Variants in CDKAL1 observed in about 807,000 individuals in gnomAD.
The protein encoded by CDKAL1 is threonylcarbamoyladenosine tRNA methylthiotransferase.
In CDKAL1, 32 loss-of-function variants were observed where a neutral mutation model predicts 68.2. The ratio of observed to expected loss-of-function variants is 0.47; its 90% CI spans 0.35 to 0.63. The LOEUF (loss-of-function observed/expected upper bound fraction) is 0.63. CDKAL1 is among the 30% of genes least tolerant of loss of function. CDKAL1 has a pLI of 0.00. For synonymous variants in CDKAL1, 234 were observed against 244.3 expected, an observed-to-expected ratio of 0.96 and a Z score of 0.39; for missense variants, 606 against 696.7, an observed-to-expected ratio of 0.87 and a Z score of 1.47.
At chr6:20,692,814 T>C (rs868233473) in intron 5 of CDKAL1, among the ~76,000 whole-genome samples, 1 of 151,922 alleles carries the variant, frequency 6.6e-6, no homozygotes, top group Non-Finnish European at 1.5e-5. Context: ...AAAATGAGCA[T>C]TGTCATGTAG....
chr6:20,591,129 A>G (rs1765574252), intron 4 of CDKAL1, among the ~76,000 whole-genome samples: 1 of 152,008 alleles, frequency 6.6e-6, no homozygotes, highest in South Asian at 2.1e-4. Flanking sequence ...TTTTTTTCAT[A>G]TGTTTGTTGA....
chr6:20,962,105 C>T (rs996969900), intron 10 of CDKAL1, among the ~76,000 whole-genome samples: 1 of 152,124 alleles, frequency 6.6e-6, no homozygotes, highest in Non-Finnish European at 1.5e-5. Context: ...AGGACTATTC[C>T]TATATTCAAA....
At chr6:20,781,110 T>A (rs2150375559) in intron 7 of CDKAL1, 35 bp from the exon 8 acceptor site, 1 of 1,600,034 alleles carries the variant, frequency 6.2e-7, no homozygotes, top group South Asian at 1.1e-5. Flanking sequence ...AGTGTGTAAC[T>A]CTTGCTAATG....
At chr6:20,718,797 T>G (rs1772209467) in intron 5 of CDKAL1, among the ~76,000 whole-genome samples, 2 of 152,064 alleles carry the variant, frequency 1.3e-5, no homozygotes, top group Admixed American at 1.3e-4. Flanking sequence ...TTTGGGAGAG[T>G]GTTCAAAAAT....
At chr6:21,083,386 C>CTT (rs1772518217) in intron 12 of CDKAL1, among the ~76,000 whole-genome samples, 1 of 152,160 alleles carries the variant, frequency 6.6e-6, no homozygotes, top group African/African-American at 2.4e-5. Flanking sequence ...CCTGTATAAC[C>CTT]CTTAGTGAGA....
At chr6:20,583,121 A>T (rs989042802) in intron 4 of CDKAL1, among the ~76,000 whole-genome samples, 2 of 152,178 alleles carry the variant, frequency 1.3e-5, no homozygotes, top group Non-Finnish European at 2.9e-5. Context: ...TTGCCAGCTA[A>T]CATCTCTTAG....
At chr6:20,858,706 T>C (rs1239072946) in intron 9 of CDKAL1, among the ~76,000 whole-genome samples, 2 of 152,196 alleles carry the variant, frequency 1.3e-5, no homozygotes, top group African/African-American at 4.8e-5. Flanking sequence ...TACATTTACA[T>C]GATGGAGTGT....
chr6:21,169,074 T>A (rs564476985), intron 13 of CDKAL1, among the ~76,000 whole-genome samples: 1 of 152,252 alleles, frequency 6.6e-6, no homozygotes, highest in Admixed American at 6.5e-5. Context: ...AGTGGGAACC[T>A]ACATAGGATT....
chr6:20,889,553 G>T (rs959025222), intron 9 of CDKAL1, among the ~76,000 whole-genome samples: 4 of 152,040 alleles, frequency 2.6e-5, no homozygotes, highest in African/African-American at 7.3e-5. Context: ...TTTGTATAAG[G>T]TGTAAGGAAG....
At chr6:20,953,034 A>G (rs1000959652) in intron 9 of CDKAL1, among the ~76,000 whole-genome samples, 2 of 152,192 alleles carry the variant, frequency 1.3e-5, no homozygotes, top group Non-Finnish European at 2.9e-5. Context: ...AATTCTCCTC[A>G]AGTCCAAGGG....
At chr6:20,796,777 A>T (rs1000470615) in intron 8 of CDKAL1, among the ~76,000 whole-genome samples, 1 of 152,242 alleles carries the variant, frequency 6.6e-6, no homozygotes, top group African/African-American at 2.4e-5. Context: ...GCAGTTGGGT[A>T]TCCATATGGA....
chr6:20,641,136 GA>G (rs1254964100), intron 4 of CDKAL1, among the ~76,000 whole-genome samples: 1 of 152,154 alleles, frequency 6.6e-6, no homozygotes, highest in Non-Finnish European at 1.5e-5. Context: ...GCAGGCAAGG[GA>G]AAAGTCCCTT....
chr6:20,609,490 G>C lies in CDKAL1; in HGVS notation c.287-39803G>C, dbSNP rs113372280. ...GACTCACTGCAGCCTCCGTCTCCCA[G>C]GTTCAAGTGATTCTCCTGCCTCAGC... is the stretch of plus-strand genomic sequence containing the variant. On this transcript the variant is annotated intron_variant, in intron 4 of 15. Transcript: ENST00000274695. Among the ~76,000 whole-genome samples, 226 of 150,206 alleles carry C rather than the reference G, an allele frequency of 1.5e-3. 2 individuals are homozygous for C. Among genetic ancestry groups the C allele is most frequent in the African/African-American group, 5.4e-3 (219 of 40,778 alleles).
rs143681658 is a variant in CDKAL1 at position 20,662,044 on chromosome 6, A to G, written c.371+12667A>G. The stretch of plus-strand genomic sequence containing the variant: ...TTCCTATTGTTTTGGTTTGAAAGAC[A>G]TTCTACTTATTCTTGGTGTGTGTGT... On this transcript the variant is annotated intron_variant, in intron 5 of 15. Transcript: ENST00000274695. 8.2e-3 allele frequency among the ~76,000 whole-genome samples: 1,254 copies of G among 152,280 alleles called. 21 individuals are homozygous for G. The highest frequency in any genetic ancestry group is 0.028 in the African/African-American group (1,177 of 41,566).
rs539192971 is a variant in CDKAL1, at chr6:20,897,991, C to A, written c.742+51813C>A. Among the ~76,000 whole-genome samples, 32 of 152,152 alleles carry A rather than the reference C, an allele frequency of 2.1e-4. 2 individuals carry two copies. The South Asian group carries it at 6.0e-3, about 29-fold the overall frequency. ...ATTGATAAAGGTAAAATTTCCAATT[C>A]TTTGGAGAAAACCATGAAAATGTTG... On this transcript the variant is annotated intron_variant, in intron 9 of 15. Transcript: ENST00000274695.
intron 9 of CDKAL1, among the ~76,000 whole-genome samples, chr6:20,889,619 C>A (rs938814277): frequency 6.6e-6 from 1 of 152,150 alleles, no homozygotes; most frequent in African/African-American, 2.4e-5. Context: ...ATAGGGAATC[C>A]TTTCCCCATT....
intron 10 of CDKAL1, among the ~76,000 whole-genome samples, chr6:20,993,149 G>A (rs1475248407): frequency 6.6e-6 from 1 of 151,958 alleles, no homozygotes; most frequent in Non-Finnish European, 1.5e-5. Context: ...TTTGTTTTGG[G>A]GGAAGGAAAA....
At chr6:21,091,729 T>A (rs77373471) in intron 12 of CDKAL1, among the ~76,000 whole-genome samples, 10,511 of 152,186 alleles carry the variant, frequency 0.069, 979 homozygotes, top group East Asian at 0.49. Flanking sequence ...CCTTTCCTTG[T>A]TTGGGAAACC....
In CDKAL1 at chr6:20,542,804, C is replaced by T. The variant is rs916565205; in HGVS notation, c.-5-3542C>T. 5.9e-5 allele frequency among the ~76,000 whole-genome samples: 9 copies of T among 152,298 alleles called. No individual in the cohort carries two copies. In the East Asian group the frequency reaches 1.7e-3, roughly 29 times the overall value. On this transcript the variant is annotated intron_variant, in intron 2 of 15. Coordinates refer to ENST00000274695, the MANE Select transcript of CDKAL1 (RefSeq NM_017774.3). ...ATTCCTCATGTTGCTCTTTTATAGTCATACCCATTCTCCTCTCACCCTGTT... is the reference window on the plus strand; with the variant it reads ...ATTCCTCATGTTGCTCTTTTATAGTTATACCCATTCTCCTCTCACCCTGTT...
Sources: allele counts gnomAD v4.1 joint callset (sites outside exome capture counted in the v4.1 genomes callset), GRCh38; gene constraint gnomAD v4.1.1; transcripts MANE v1.5; gene names NCBI Gene and HGNC (gene_info 2026-07-23, HGNC 2026-07-21).